Variants in SPTBN2 observed in about 807,000 individuals in gnomAD.
SPTBN2 encodes the protein spectrin beta, non-erythrocytic 2.
SPTBN2 carries 107 observed loss-of-function variants against 284.2 expected under a neutral mutation model. That is an observed-to-expected ratio of 0.38 (90% CI 0.32 to 0.44). SPTBN2 has a LOEUF of 0.44. SPTBN2 is among the 20% of genes least tolerant of loss of function. The probability of loss-of-function intolerance (pLI) is 1.00; values close to 1 mark genes in which losing one functional copy is unlikely to be tolerated. For synonymous variants in SPTBN2, 1,289 were observed against 1,354.8 expected (o/e 0.95, Z 1.07); for missense variants, 2,569 against 3,287.1 (o/e 0.78, Z 5.34).
At chr11:66,719,199 T>C (rs1350501857) in intron 3 of SPTBN2, among the ~76,000 whole-genome samples, 1 of 152,196 alleles carries the variant, frequency 6.6e-6, no homozygotes, top group Non-Finnish European at 1.5e-5. Context: ...GCGAGGCATT[T>C]TCCTTCACTC....
In SPTBN2 at chr11:66,699,043, G is replaced by A. The variant is rs1941096672; in HGVS notation, c.3816C>T (p.Gly1272=). ...KNQDAAQQFL[G]RLRDNREQQH... ...GCTGCTCCCGGTTGTCCCGAAGACG[G>A]CCCAGAAATTGCTGCGCTGCGTCTT... Residue 1272 remains glycine, a synonymous_variant, in exon 19 of 38, where the codon GGC becomes GGT. Transcript: ENST00000533211. 6.2e-7 allele frequency: 1 copy of A among 1,614,232 alleles called. No homozygotes were observed. The highest frequency in any genetic ancestry group is 8.5e-7 in the Non-Finnish European group (1 of 1,180,040).
At chr11:66,744,017 C>G (rs1379604998) in intron 1 of SPTBN2, among the ~76,000 whole-genome samples, 2 of 152,094 alleles carry the variant, frequency 1.3e-5, no homozygotes, top group African/African-American at 4.8e-5. Context: ...CCCGCCACCA[C>G]GCCCGGCTAA....
intron 3 of SPTBN2, among the ~76,000 whole-genome samples, chr11:66,720,820 G>C (rs1303052847): frequency 2.0e-5 from 3 of 152,172 alleles, no homozygotes; most frequent in African/African-American, 4.8e-5. Context: ...GCTGAGGCCA[G>C]AGAGGGAAGC....
chr11:66,729,800 TTTATTA>T (rs991972263), upstream of SPTBN2, among the ~76,000 whole-genome samples: 1 of 151,960 alleles, frequency 6.6e-6, no homozygotes, highest in Non-Finnish European at 1.5e-5. Flanking sequence ...TTTGAGGCTA[TTTATTA>T]TTATTATTAT....
At chr11:66,740,414 A>G (rs1942887700) in intron 1 of SPTBN2, among the ~76,000 whole-genome samples, 1 of 152,182 alleles carries the variant, frequency 6.6e-6, no homozygotes, top group Non-Finnish European at 1.5e-5. Context: ...TATGGCCTCT[A>G]GTTGCCCCCA....
rs758977500 is a variant in SPTBN2, at chr11:66,704,874, G to C, written c.2402C>G (p.Pro801Arg). Residue 801 changes from proline (P) to arginine (R), a missense_variant, in exon 15 of 38, where the codon CCA (proline) becomes CGA (arginine). Transcript: ENST00000533211. ...ALEEEIRSHR[P>R]TLDALREQAA... is the part of the protein sequence containing the mutation. ...CTGTTCCCTCAAGGCGTCCAGGGTT[G>C]GCCGGTGGCTTCGAATCTCCTCCTC... is the stretch of plus-strand genomic sequence containing the variant. 1 of 1,610,780 alleles carries C rather than the reference G, an allele frequency of 6.2e-7. No individual in the cohort carries two copies. Among genetic ancestry groups the C allele is most frequent in the South Asian group, 1.1e-5 (1 of 91,086 alleles).
chr11:66,698,033 T>C (rs1310950297), intron 20 of SPTBN2, among the ~76,000 whole-genome samples: 2 of 152,216 alleles, frequency 1.3e-5, no homozygotes, highest in Non-Finnish European at 2.9e-5. Flanking sequence ...GGATACTTGC[T>C]GAGCAGATAT....
chr11:66,713,715 T>C lies in SPTBN2; in HGVS notation c.688A>G (p.Lys230Glu), dbSNP rs1245195138. 1 of 1,614,124 alleles carries C rather than the reference T, an allele frequency of 6.2e-7. No homozygotes were observed. Among genetic ancestry groups the C allele is most frequent in the Non-Finnish European group, 8.5e-7 (1 of 1,180,016 alleles). ...TGCAGATTATAGTGTGCATTACACT[T>C]CTTCAGAGACTCAAAATCCAGCAGG... Reference protein sequence around the residue: ...PDLLDFESLKKCNAHYNLQNA... With the variant: ...PDLLDFESLKECNAHYNLQNA... Residue 230 changes from lysine to glutamate, a missense_variant, in exon 8 of 38, where the codon AAG becomes GAG. Lys to Glu is a moderately conservative substitution (Grantham distance 56). Transcript: ENST00000533211.
At position 66,705,364 on chromosome 11, in the gene SPTBN2, C is replaced by G. The variant is rs762955478; in HGVS notation, c.1912G>C (p.Glu638Gln). 4.3e-6 allele frequency: 7 copies of G among 1,612,258 alleles called. No homozygotes were observed. The South Asian group carries it at 7.7e-5, about 18-fold the overall frequency. Residue 638 changes from glutamate (E) to glutamine (Q), a missense_variant, in exon 15 of 38, where the codon GAG (glutamate) becomes CAG (glutamine). This residue lies in a region of SPTBN2 where 1,012 missense variants were observed against 1,248.9 expected (regional missense o/e 0.81). Coordinates refer to ENST00000533211, the MANE Select transcript of SPTBN2 (RefSeq NM_006946.4). ...AAACGCCAGAGCCGCCGTGATTCCT[C>G]CAGCCGGGCCCGCCGCGCCGCTGCC... is the stretch of plus-strand genomic sequence containing the variant. ...ELAAARRARL[E>Q]ESRRLWRFLW...
intron 15 of SPTBN2, among the ~76,000 whole-genome samples, chr11:66,702,469 T>A (rs1300288654): frequency 1.3e-5 from 2 of 150,636 alleles, no homozygotes; most frequent in Non-Finnish European, 3.0e-5. Context: ...CTGGCCGACA[T>A]TTGATGTTCT....
rs1940187578 is a variant in SPTBN2, at chr11:66,687,375, G to T, written c.6722+52C>A. The T allele has an allele frequency of 4.4e-6, 7 of 1,588,872 alleles. No homozygotes were observed. In the Middle Eastern group the frequency reaches 1.2e-3, roughly 265 times the overall value. On this transcript the variant is annotated intron_variant, in intron 35 of 37. Coordinates refer to ENST00000533211, the MANE Select transcript of SPTBN2 (RefSeq NM_006946.4). The surrounding 1 kb of genome is among the most constrained non-coding windows in gnomAD (Gnocchi z 5.2). ...AAAGGGCATCCCTCCCTCTATCTGG[G>T]CAGAGGCTCTGGGGAAGTGCCCTCT...
At position 66,710,653 on chromosome 11, in the gene SPTBN2, G is replaced by C. The variant is rs1304747300; in HGVS notation, c.1002C>G (p.Ala334=). ...GGTTCTGGACCCCGCTAAGGGAGTTGGCCAACTGCCGGTCATTGAGGGTCA... is the reference window on the plus strand; with the variant it reads ...GGTTCTGGACCCCGCTAAGGGAGTTCGCCAACTGCCGGTCATTGAGGGTCA... The part of the protein sequence containing the change: ...TIVTLNDRQL[A]NSLSGVQNQL... The change falls in exon 10 of 38, where the codon GCC becomes GCG. Residue 334 remains alanine (A), a synonymous_variant. Coordinates refer to ENST00000533211, the MANE Select transcript of SPTBN2 (RefSeq NM_006946.4). The surrounding 1 kb of genome is among the most constrained non-coding windows in gnomAD (Gnocchi z 4.9). 5 of 1,614,148 alleles carry C rather than the reference G, an allele frequency of 3.1e-6. No individual in the cohort carries two copies. Among genetic ancestry groups the C allele is most frequent in the Non-Finnish European group, 4.2e-6 (5 of 1,180,028 alleles).
chr11:66,686,924 C>G, intron 36 of SPTBN2, 70 bp downstream of exon 36: 1 of 1,601,730 alleles, frequency 6.2e-7, no homozygotes, highest in Non-Finnish European at 8.5e-7. Context: ...CCCTCTGGAC[C>G]TGACTCATGG....
At position 66,692,868 on chromosome 11, in the gene SPTBN2, A is replaced by G. The variant is rs569844098; in HGVS notation, c.4985+102T>C. On this transcript the variant is annotated intron_variant, in intron 25 of 37. Transcript: ENST00000533211. ...CCACCCTGTGTTCCAGCTTTCTAGA[A>G]GGCTCCGTGCACACAGCACTGAAGG... The G allele has an allele frequency of 1.8e-3, 2,817 of 1,595,850 alleles. 3 individuals carry two copies. Among genetic ancestry groups the G allele is most frequent in the Non-Finnish European group, 2.2e-3 (2,570 of 1,177,966 alleles).
In SPTBN2 at chr11:66,726,917, G is replaced by A. The variant is rs150527616; in HGVS notation, c.-114+1824C>T. 4.3e-3 allele frequency among the ~76,000 whole-genome samples: 657 copies of A among 152,290 alleles called. 5 individuals are homozygous for A. The highest frequency in any genetic ancestry group is 0.015 in the African/African-American group (622 of 41,546). The stretch of plus-strand genomic sequence containing the variant: ...CTCCAGGAAGGCAAGAGAAAGATGG[G>A]CCCAGGGCAGAAGGAAGGAACAGCA... On this transcript the variant is annotated intron_variant, in intron 1 of 37. Transcript: ENST00000533211.
chr11:66,732,668 A>G (rs1489161711), upstream of SPTBN2, among the ~76,000 whole-genome samples: 1 of 150,614 alleles, frequency 6.6e-6, no homozygotes, highest in Non-Finnish European at 1.5e-5. Flanking sequence ...AAAAAAAAAA[A>G]AAAATGGAGA....
chr11:66,694,160 G>A lies in SPTBN2; in HGVS notation c.4482C>T (p.His1494=), dbSNP rs1940757484. 10 of 1,609,436 alleles carry A rather than the reference G, an allele frequency of 6.2e-6. No homozygotes were observed. Among genetic ancestry groups the A allele is most frequent in the Non-Finnish European group, 8.5e-6 (10 of 1,180,030 alleles). ...LQASREQHQF[H]RDVEDEILWV... is the part of the protein sequence containing the mutation. ...TCACAATCTCATCTTCCACATCGCGGTGGAACTGGTGCTGCTCGCGAGAAG... is the reference window on the plus strand; with the variant it reads ...TCACAATCTCATCTTCCACATCGCGATGGAACTGGTGCTGCTCGCGAGAAG... The change falls in exon 22 of 38, where the codon CAC becomes CAT. Residue 1494 remains histidine (H), a synonymous_variant. Transcript: ENST00000533211.
In SPTBN2 at chr11:66,690,303, A is replaced by T; in HGVS notation, c.5566-20T>A. ...CTGGACCTGCGGAGCCCCGGGTCAG[A>T]GTCAGGCAGAGCGGGGGACTCCAAG... On this transcript the variant is annotated intron_variant, in intron 27 of 37. Coordinates refer to ENST00000533211, the MANE Select transcript of SPTBN2 (RefSeq NM_006946.4). The T allele has an allele frequency of 6.3e-7, 1 of 1,589,390 alleles. No individual in the cohort carries two copies. Among genetic ancestry groups the T allele is most frequent in the South Asian group, 1.1e-5 (1 of 89,162 alleles).
Position 66,742,870 on chromosome 11 carries a change from A to C in SPTBN2, c.-475+1672T>G, listed in dbSNP as rs1249885932. ...AATGATCCACCCACCTGGGCCTCCCAAAGTGTTGGGATTACAGGCGTGAGC... is the reference window on the plus strand; with the variant it reads ...AATGATCCACCCACCTGGGCCTCCCCAAGTGTTGGGATTACAGGCGTGAGC... On this transcript the variant is annotated intron_variant, in intron 1 of 37. Transcript: ENST00000611817. Among the ~76,000 whole-genome samples, 3 of 152,160 alleles carry C rather than the reference A, an allele frequency of 2.0e-5. No individual in the cohort carries two copies. In the East Asian group the frequency reaches 5.8e-4, roughly 29 times the overall value.
Sources: allele counts gnomAD v4.1 joint callset (sites outside exome capture counted in the v4.1 genomes callset), GRCh38; gene constraint gnomAD v4.1.1; regional missense constraint gnomAD v4.1.1; non-coding constraint Gnocchi (gnomAD v3.1); transcripts MANE v1.5; gene names NCBI Gene and HGNC (gene_info 2026-07-23, HGNC 2026-07-21).